POT1: variants seen among roughly 807,000 people sequenced by gnomAD.
POT1 encodes protection of telomeres protein 1.
Under a neutral mutation model 78.5 loss-of-function variants are expected in POT1, and 47 were observed. The ratio of observed to expected loss-of-function variants is 0.60; its 90% confidence interval spans 0.47 to 0.76. POT1 has a LOEUF of 0.76. Among genes scored for constraint, POT1 ranks in the 30% least tolerant of loss-of-function variants. The probability of loss-of-function intolerance (pLI) is 0.00; values close to 1 mark genes in which losing one functional copy is unlikely to be tolerated. For synonymous variants in POT1, 259 were observed against 260.7 expected (o/e 0.99, Z 0.06); for missense variants, 646 against 749.9 (o/e 0.86, Z 1.62).
intron 8 of POT1, among the ~76,000 whole-genome samples, chr7:124,862,295 A>G (rs1174937336): frequency 6.6e-6 from 1 of 152,234 alleles, no homozygotes; most frequent in Non-Finnish European, 1.5e-5. Context: ...GTCAAAAGAT[A>G]GAATATGCCT....
intron 11 of POT1, among the ~76,000 whole-genome samples, chr7:124,850,686 G>A (rs556803193): frequency 2.6e-5 from 4 of 151,738 alleles, no homozygotes; most frequent in East Asian, 1.9e-4. Context: ...AGCAGAGATC[G>A]CGCTAGCCAC....
intron 6 of POT1, 22 bp downstream of exon 6, chr7:124,892,244 C>T (rs757519788): frequency 7.1e-7 from 1 of 1,412,624 alleles, no homozygotes; most frequent in South Asian, 1.3e-5. Context: ...CTCCAAAAAA[C>T]TCCACCAGTT....
intron 3 of POT1, among the ~76,000 whole-genome samples, chr7:124,898,606 C>T (rs895234166): frequency 1.5e-4 from 23 of 151,932 alleles, no homozygotes; most frequent in African/African-American, 5.6e-4. Flanking sequence ...ATGACAATAA[C>T]GTCCCACTTC....
In POT1 at chr7:124,867,716, G is replaced by A. The variant is rs567681675; in HGVS notation, c.255+3195C>T. Among the ~76,000 whole-genome samples the A allele has an allele frequency of 9.2e-4, 140 of 151,694 alleles. 1 individual carries two copies. Among genetic ancestry groups the A allele is most frequent in the East Asian group, 7.6e-3 (39 of 5,142 alleles). On this transcript the variant is annotated intron_variant, in intron 7 of 18. Transcript: ENST00000357628. ...GGCTGGAGTGCAGTGGTGCGATCTC[G>A]GCTCACTGCAACCTCTGCCTCCCGG...
intron 14 of POT1, among the ~76,000 whole-genome samples, chr7:124,837,982 A>T (rs567367372): frequency 1.3e-5 from 2 of 152,300 alleles, no homozygotes; most frequent in African/African-American, 4.8e-5. Flanking sequence ...CAATAGAAAA[A>T]GCATTTGATA....
intron 6 of POT1, among the ~76,000 whole-genome samples, chr7:124,872,448 C>A (rs1305140689): frequency 6.6e-6 from 1 of 152,182 alleles, no homozygotes; most frequent in African/African-American, 2.4e-5. Context: ...ATCATCTCTT[C>A]ATGCAGGGTA....
At chr7:124,868,416 A>C (rs1383126844) in intron 7 of POT1, among the ~76,000 whole-genome samples, 1 of 152,190 alleles carries the variant, frequency 6.6e-6, no homozygotes, top group Non-Finnish European at 1.5e-5. Context: ...CATTGCCTTA[A>C]ATTATTAAGC....
intron 4 of POT1, among the ~76,000 whole-genome samples, chr7:124,897,538 T>C (rs1171877967): frequency 6.6e-6 from 1 of 151,960 alleles, no homozygotes; most frequent in Non-Finnish European, 1.5e-5. Context: ...CCAACTCCTA[T>C]CAGTCCAATA....
At chr7:124,897,302 T>C (rs1796515896) in intron 4 of POT1, 90 bp from the exon 5 acceptor site, 2 of 428,836 alleles carry the variant, frequency 4.7e-6, no homozygotes, top group East Asian at 7.1e-5. Flanking sequence ...ACACACTTAC[T>C]TGTAAAATAT....
chr7:124,845,495 A>C (rs1795142561), intron 12 of POT1, among the ~76,000 whole-genome samples: 1 of 152,238 alleles, frequency 6.6e-6, no homozygotes, highest in Non-Finnish European at 1.5e-5. Flanking sequence ...AGGGGCATAC[A>C]AAGTGAGTGT....
At position 124,885,962 on chromosome 7, in the gene POT1, T is replaced by C. The variant is rs538104906; in HGVS notation, c.124+6304A>G. ...GTTCTTTTAACTCTGATAGTTCTGA[T>C]AGACTCTATGTAAAAATTAAAACTT... On this transcript the variant is annotated intron_variant, in intron 6 of 18. Transcript: ENST00000357628. 2.0e-5 allele frequency among the ~76,000 whole-genome samples: 3 copies of C among 152,238 alleles called. No homozygotes were observed. In the East Asian group the frequency reaches 5.8e-4, roughly 29 times the overall value.
In POT1 at chr7:124,829,325, C is replaced by T. The variant is rs144522387; in HGVS notation, c.1523G>A (p.Ser508Asn). Reference protein sequence around the residue: ...IHHYGCKQCSSLRSIQNLNSL... With the variant: ...IHHYGCKQCSNLRSIQNLNSL... ...ATTTAGATTTTGTATGGATCTCAAA[C>T]TAGAACACTGTTTACATCTGAAATT... The change falls in exon 16 of 19, where the codon AGT becomes AAT. Residue 508 changes from serine (S) to asparagine (N), a missense_variant. Physicochemically the swap from Ser to Asn is conservative, Grantham distance 46. This residue lies in a region of POT1 where 394 missense variants were observed against 408.4 expected (regional missense o/e 0.96). Transcript: ENST00000357628. The T allele has an allele frequency of 1.9e-6, 3 of 1,582,500 alleles. No homozygotes were observed. The highest frequency in any genetic ancestry group is 2.6e-6 in the Non-Finnish European group (3 of 1,152,400).
chr7:124,904,734 T>C (rs1356407648), intron 3 of POT1, among the ~76,000 whole-genome samples: 1 of 152,340 alleles, frequency 6.6e-6, no homozygotes, highest in Non-Finnish European at 1.5e-5. Flanking sequence ...CATGATTATA[T>C]GTTTAGAAAA....
Position 124,842,926 on chromosome 7 carries a change from T to G in POT1, c.1044A>C (p.Leu348=), listed in dbSNP as rs769209315. Residue 348 remains leucine, a synonymous_variant, in exon 13 of 19, where the codon CTA becomes CTC. Transcript: ENST00000357628. ...TDHQYLERTP[L]CAILKQKAPQ... ...GAGCTTTTTGTTTCAAAATGGCACA[T>G]AGTGGTGTCCTCTCCAAATACTGAT... 1 of 1,605,692 alleles carries G rather than the reference T, an allele frequency of 6.2e-7. No homozygotes were observed. The highest frequency in any genetic ancestry group is 1.1e-5 in the South Asian group (1 of 89,298).
chr7:124,867,411 A>G (rs572980808), intron 7 of POT1, among the ~76,000 whole-genome samples: 37 of 152,216 alleles, frequency 2.4e-4, no homozygotes, highest in Admixed American at 1.0e-3. Flanking sequence ...CTTACCTACC[A>G]CAATTTCATC....
intron 6 of POT1, among the ~76,000 whole-genome samples, chr7:124,883,389 T>G (rs1428595596): frequency 6.6e-6 from 1 of 152,122 alleles, no homozygotes; most frequent in Admixed American, 6.6e-5. Context: ...TTCATTAATT[T>G]ATCTGTCTTC....
chr7:124,827,057 C>T lies in POT1; in HGVS notation c.1686+157G>A, dbSNP rs1442292560. On this transcript the variant is annotated intron_variant, in intron 17 of 18. Transcript: ENST00000357628. ...TTAGTGTCAAATAAAAAAAGAGATA[C>T]ATACACAGATGATTCAAGATTTATG... 2.9e-5 allele frequency: 11 copies of T among 376,386 alleles called. No homozygotes were observed. The East Asian group carries it at 4.8e-4, about 16-fold the overall frequency. 23.3% of individuals were successfully genotyped at this position (376,386 alleles called of 1,614,324 possible). A position where few individuals can be genotyped will look rare whatever the true frequency, so the allele number is the denominator to read the frequency against.
Position 124,829,238 on chromosome 7 carries a change from T to C in POT1, c.1594+16A>G. On this transcript the variant is annotated intron_variant, in intron 16 of 18. Coordinates refer to ENST00000357628, the MANE Select transcript of POT1 (RefSeq NM_015450.3). ...AACAAACAGTTAAAATTGCAGGGCA[T>C]GGAAATTTAGCTAACCTTCTGCCAC... The C allele has an allele frequency of 6.5e-7, 1 of 1,544,842 alleles. No individual in the cohort carries two copies. The highest frequency in any genetic ancestry group is 8.9e-7 in the Non-Finnish European group (1 of 1,120,486).
chr7:124,880,898 T>C (rs1178272156), intron 6 of POT1, among the ~76,000 whole-genome samples: 1 of 152,040 alleles, frequency 6.6e-6, no homozygotes, highest in Admixed American at 6.6e-5. Flanking sequence ...CACTGAATTG[T>C]AGGCTCAGAT....
Sources: allele counts gnomAD v4.1 joint callset (sites outside exome capture counted in the v4.1 genomes callset), GRCh38; gene constraint gnomAD v4.1.1; regional missense constraint gnomAD v4.1.1; transcripts MANE v1.5; gene names NCBI Gene and HGNC (gene_info 2026-07-23, HGNC 2026-07-21).